The following PER3 variants were observed in gnomAD, a reference collection of about 807,000 sequenced individuals.
PER3 encodes period circadian protein homolog 3.
A neutral mutation model predicts 127.2 loss-of-function variants in PER3; 107 were observed. The ratio of observed to expected loss-of-function variants is 0.84; its 90% CI spans 0.72 to 0.99. The LOEUF is 0.99. Among genes scored for constraint, PER3 ranks in the 50% least tolerant of loss-of-function variants. The pLI is 0.00. For missense variants in PER3, 1,560 were observed against 1,525.8 expected (o/e 1.02, Z -0.37); for synonymous variants, 618 against 585.8 (o/e 1.05, Z -0.79).
chr1:7,837,910 A>G (rs569272810), intron 21 of PER3, among the ~76,000 whole-genome samples: 2 of 152,274 alleles, frequency 1.3e-5, no homozygotes, highest in African/African-American at 2.4e-5. Context: ...ATAAAAATCA[A>G]AACAATTAGC....
chr1:7,827,124 C>T lies in PER3; in HGVS notation c.2195C>T (p.Ser732Phe). The change falls in exon 18 of 22, where the codon TCT becomes TTT. Residue 732 changes from serine to phenylalanine, a missense_variant. By Grantham distance (155) the Ser-to-Phe change is radical. Around this residue, in one of 3 missense-constraint regions of PER3, gnomAD observed 1,332 missense variants for 1,223.6 expected, o/e 1.09. Transcript: ENST00000377532. ...KAKYSYFQGD[S>F]TSKQTRSAGC... ...TCTACCTTTATCCTTCCAGGAGATTCTACTTCCAAGCAGACGCGGTCGGCC... is the reference window on the plus strand; with the variant it reads ...TCTACCTTTATCCTTCCAGGAGATTTTACTTCCAAGCAGACGCGGTCGGCC... 1 of 1,589,182 alleles carries T rather than the reference C, an allele frequency of 6.3e-7. No individual in the cohort carries two copies. Among genetic ancestry groups the T allele is most frequent in the Non-Finnish European group, 8.6e-7 (1 of 1,168,992 alleles).
Position 7,803,689 on chromosome 1 carries a change from T to C in PER3, c.980-3T>C. 2.6e-6 allele frequency: 4 copies of C among 1,562,398 alleles called. No individual in the cohort carries two copies. The highest frequency in any genetic ancestry group is 3.5e-6 in the Non-Finnish European group (4 of 1,139,438). ...CCTATTTTTGTCTTATTATTTTATA[T>C]AGTTTTGAAGTATGCAGGGCATCCT... On this transcript the variant is annotated splice_region_variant and splice_polypyrimidine_tract_variant and intron_variant, in intron 9 of 21. Transcript: ENST00000377532.
intron 13 of PER3, among the ~76,000 whole-genome samples, chr1:7,817,823 G>A (rs1396739503): frequency 3.9e-5 from 6 of 152,288 alleles, no homozygotes; most frequent in Middle Eastern, 3.4e-3. Context: ...ACTTTGAGAA[G>A]TTTAAAAGAA....
chr1:7,836,833 T>C (rs1021967181), intron 20 of PER3, 166 bp from the exon 21 acceptor site: 1 of 501,666 alleles, frequency 2.0e-6, no homozygotes, highest in Non-Finnish European at 3.5e-6. Flanking sequence ...AAAAAGCCTT[T>C]ACCAACTTGA....
At chr1:7,833,709 A>G (rs1349352611) in intron 19 of PER3, among the ~76,000 whole-genome samples, 1 of 152,144 alleles carries the variant, frequency 6.6e-6, no homozygotes, top group East Asian at 1.9e-4. Context: ...TTTTAACTGC[A>G]ATGCTTGCTT....
chr1:7,835,980 T>A, intron 20 of PER3, 35 bp downstream of exon 20: 1 of 1,412,932 alleles, frequency 7.1e-7, no homozygotes, highest in Non-Finnish European at 9.8e-7. Flanking sequence ...ACTTTTTATA[T>A]TTTTGTGGTT....
chr1:7,827,515 C>A lies in PER3; in HGVS notation c.2586C>A (p.Asp862Glu). The change falls in exon 18 of 22, where the codon GAC (aspartate) becomes GAA (glutamate). Residue 862 changes from aspartate (D) to glutamate (E), a missense_variant. Transcript: ENST00000377532. ...LDTFMTVFLP[D>E]PPVCPLLSPS... ...CTTTTATGACCGTTTTCCTGCCTGA[C>A]CCCCCTGTCTGTCCTCTGTTGTCGC... 6.2e-7 allele frequency: 1 copy of A among 1,614,142 alleles called. No homozygotes were observed.
intron 16 of PER3, among the ~76,000 whole-genome samples, chr1:7,823,781 A>G (rs1163211455): frequency 6.6e-6 from 1 of 152,226 alleles, no homozygotes; most frequent in Non-Finnish European, 1.5e-5. Context: ...TCCATACAAC[A>G]CTATCAGCCA....
chr1:7,817,910 A>C (rs1468584625), intron 13 of PER3, among the ~76,000 whole-genome samples: 1 of 152,228 alleles, frequency 6.6e-6, no homozygotes, highest in Non-Finnish European at 1.5e-5. Context: ...AACTTTACAC[A>C]GGACAAACAA....
chr1:7,839,688 A>G (rs1029893592), intron 21 of PER3, among the ~76,000 whole-genome samples: 15 of 152,110 alleles, frequency 9.9e-5, no homozygotes, highest in Non-Finnish European at 1.0e-4. Context: ...TTCTTTAAGC[A>G]CTTTGAATAC....
chr1:7,834,834 CAAAT>C (rs1175980136), intron 19 of PER3, among the ~76,000 whole-genome samples: 2 of 138,166 alleles, frequency 1.4e-5, no homozygotes, highest in African/African-American at 2.5e-5. Flanking sequence ...AAAAATTAAA[CAAAT>C]AGTTTTGTTT....
At chr1:7,798,813 G>A (rs890090165) in intron 7 of PER3, 140 bp downstream of exon 7, 15 of 654,946 alleles carry the variant, frequency 2.3e-5, no homozygotes, top group African/African-American at 1.8e-4. Flanking sequence ...TTTGAAGCTG[G>A]TTTTCATTGA....
At position 7,791,951 on chromosome 1, in the gene PER3, C is replaced by G. The variant is rs1199745122; in HGVS notation, c.593-2006C>G. 3.3e-5 allele frequency among the ~76,000 whole-genome samples: 5 copies of G among 152,320 alleles called. 1 individual carries two copies. The Middle Eastern group carries it at 0.017, about 518-fold the overall frequency. On this transcript the variant is annotated intron_variant, in intron 5 of 21. Coordinates refer to ENST00000377532, the MANE Select transcript of PER3 (RefSeq NM_001377275.1). ...AAGTCTCTAGGAAGTTCCAGACTTTCCCACATTTTCTTGTCTTCTTCTAAG... is the reference window on the plus strand; with the variant it reads ...AAGTCTCTAGGAAGTTCCAGACTTTGCCACATTTTCTTGTCTTCTTCTAAG...
In PER3 at chr1:7,784,835, C is replaced by CG; in HGVS notation, c.-40dup. 7.1e-7 allele frequency: 1 copy of CG among 1,413,866 alleles called. No individual in the cohort carries two copies. The highest frequency in any genetic ancestry group is 9.2e-7 in the Non-Finnish European group (1 of 1,091,986). 87.6% of individuals were successfully genotyped at this position (1,413,866 alleles called of 1,614,324 possible). A position where few individuals can be genotyped will look rare whatever the true frequency, so the allele number is the denominator to read the frequency against. The stretch of plus-strand genomic sequence containing the variant: ...TGCAAAGTGAGCGAGAAGCAGGCTG[C>CG]GGGCCGTCCCAGCACGACGTGGAGC... On this transcript the variant is annotated 5_prime_UTR_variant, in exon 2 of 22. Coordinates refer to ENST00000377532, the MANE Select transcript of PER3 (RefSeq NM_001377275.1).
At chr1:7,834,514 G>A (rs564888494) in intron 19 of PER3, among the ~76,000 whole-genome samples, 8 of 152,296 alleles carry the variant, frequency 5.3e-5, no homozygotes, top group Middle Eastern at 3.4e-3. Context: ...AGAGTGCACT[G>A]ATGCAATCAT....
chr1:7,816,308 A>G (rs980969101), intron 13 of PER3, among the ~76,000 whole-genome samples: 1 of 152,188 alleles, frequency 6.6e-6, no homozygotes, highest in East Asian at 1.9e-4. Flanking sequence ...ACAAAAGAAA[A>G]GAAAGGAAGG....
chr1:7,787,620 T>G (rs2097098294), intron 4 of PER3: 1 of 295,354 alleles, frequency 3.4e-6, no homozygotes, highest in Non-Finnish European at 6.6e-6. Flanking sequence ...TTATGTGTAA[T>G]GGAAAAAATT....
chr1:7,830,682 T>G (rs1484899590), intron 19 of PER3, among the ~76,000 whole-genome samples: 1 of 152,222 alleles, frequency 6.6e-6, no homozygotes, highest in Non-Finnish European at 1.5e-5. Context: ...CAATATACTT[T>G]CTTTACATTG....
chr1:7,787,166 G>A (rs11581279), intron 4 of PER3: 35,489 of 476,510 alleles, frequency 0.074, 1,465 homozygotes, highest in Middle Eastern at 0.16. Flanking sequence ...TCTAATCTCC[G>A]AATTGTTAAT....
Sources: allele counts gnomAD v4.1 joint callset (sites outside exome capture counted in the v4.1 genomes callset), GRCh38; gene constraint gnomAD v4.1.1; regional missense constraint gnomAD v4.1.1; transcripts MANE v1.5; gene names NCBI Gene and HGNC (gene_info 2026-07-23, HGNC 2026-07-21).